HIVEP3: variants seen among roughly 807,000 people sequenced by gnomAD.
The protein encoded by HIVEP3 is transcription factor HIVEP3.
In HIVEP3, 49 loss-of-function variants were observed where a neutral mutation model predicts 152.8. The observed-to-expected ratio is 0.32, with a 90% CI of 0.26 to 0.41. HIVEP3 has a LOEUF of 0.41. HIVEP3 is among the 10% of genes least tolerant of loss of function. HIVEP3 has a pLI of 1.00. For synonymous variants in HIVEP3, 1,269 were observed against 1,289.0 expected, an observed-to-expected ratio of 0.98 and a Z score of 0.33; for missense variants, 2,790 against 3,103.3, an observed-to-expected ratio of 0.90 and a Z score of 2.40.
In HIVEP3 at chr1:41,726,014, C is replaced by G. The variant is rs190013855; in HGVS notation, c.-800-25019G>C. Among the ~76,000 whole-genome samples the G allele has an allele frequency of 2.9e-4, 44 of 152,320 alleles. No individual in the cohort carries two copies. In the South Asian group the frequency reaches 3.5e-3, roughly 12 times the overall value. ...TTTCTCAGCAGTCATTGTCTGCAAT[C>G]AGGAACCTTGGCAAGGTGAGGCATG... On this transcript the variant is annotated intron_variant, in intron 1 of 8. Transcript: ENST00000372583.
chr1:41,639,978 G>A (rs1645347589), intron 2 of HIVEP3, among the ~76,000 whole-genome samples: 1 of 152,086 alleles, frequency 6.6e-6, no homozygotes. Context: ...AATAGAGAAT[G>A]GTGATACTTT....
intron 6 of HIVEP3, 147 bp from the exon 7 acceptor site, chr1:41,518,635 G>C: frequency 1.3e-6 from 1 of 743,436 alleles, no homozygotes; most frequent in Non-Finnish European, 2.3e-6. Context: ...GCAGGAGCTG[G>C]GGTATCCCTC....
intron 1 of HIVEP3, among the ~76,000 whole-genome samples, chr1:41,892,799 C>T (rs1283656121): frequency 1.3e-5 from 2 of 151,990 alleles, no homozygotes; most frequent in Non-Finnish European, 2.9e-5. Flanking sequence ...ACGTGCCCAG[C>T]CAAAAAGAAG....
intron 1 of HIVEP3, among the ~76,000 whole-genome samples, chr1:41,804,661 G>GCAT (rs1340737720): frequency 2.6e-5 from 4 of 152,222 alleles, no homozygotes; most frequent in Admixed American, 6.5e-5. Flanking sequence ...AAAGTCATCT[G>GCAT]CATCACTGGA....
chr1:41,668,960 G>C (rs1645835090), intron 2 of HIVEP3, among the ~76,000 whole-genome samples: 2 of 152,250 alleles, frequency 1.3e-5, no homozygotes, highest in South Asian at 4.1e-4. Flanking sequence ...CCCGCAGCTG[G>C]GGTGGAATAT....
Position 41,582,843 on chromosome 1 carries a change from T to C in HIVEP3, c.1955A>G (p.Tyr652Cys). ...GGCTTCGTAGTTATCCCTTTTCTTG[T>C]ACCGAGCACCACATATGTTACATTC... ...IYECNICGAR[Y>C]KKRDNYEAHK... The change falls in exon 4 of 9, where the codon TAC (tyrosine) becomes TGC (cysteine). Residue 652 changes from tyrosine (Y) to cysteine (C), a missense_variant. Tyr to Cys is a radical substitution (Grantham distance 194, BLOSUM62 -2). This residue lies in a region of HIVEP3 where 339 missense variants were observed against 327.0 expected (regional missense o/e 1.04). Coordinates refer to ENST00000372583, the MANE Select transcript of HIVEP3 (RefSeq NM_024503.5). This position sits in a 1 kb window ranked among gnomAD's most constrained non-coding sequence, Gnocchi z 4.7. The C allele has an allele frequency of 6.2e-7, 1 of 1,614,216 alleles. No individual in the cohort carries two copies. Among genetic ancestry groups the C allele is most frequent in the Non-Finnish European group, 8.5e-7 (1 of 1,180,032 alleles).
intron 2 of HIVEP3, among the ~76,000 whole-genome samples, chr1:41,649,968 G>A (rs1645521515): frequency 6.6e-6 from 1 of 152,090 alleles, no homozygotes; most frequent in Non-Finnish European, 1.5e-5. Flanking sequence ...AGGGAGTCAG[G>A]AAAGCCCACA....
At chr1:41,702,520 A>C (rs964174777) in intron 1 of HIVEP3, among the ~76,000 whole-genome samples, 1 of 152,228 alleles carries the variant, frequency 6.6e-6, no homozygotes, top group Non-Finnish European at 1.5e-5. Flanking sequence ...TTAGTAATTC[A>C]TTGAATTGTA....
At chr1:41,665,127 TCTCACTGGAAG>T (rs1286739624) in intron 2 of HIVEP3, among the ~76,000 whole-genome samples, 6 of 152,016 alleles carry the variant, frequency 3.9e-5, no homozygotes, top group Non-Finnish European at 8.8e-5. Context: ...TGGTGCCAAT[TCTCACTGGAAG>T]CCAGAAGGTC....
At chr1:41,786,929 T>C (rs1353400578) in intron 1 of HIVEP3, among the ~76,000 whole-genome samples, 1 of 151,984 alleles carries the variant, frequency 6.6e-6, no homozygotes, top group Non-Finnish European at 1.5e-5. Context: ...TTTTTGTATT[T>C]TTAGTAGACA....
chr1:41,898,836 CAT>C (rs1644575072), intron 1 of HIVEP3, among the ~76,000 whole-genome samples: 1 of 152,230 alleles, frequency 6.6e-6, no homozygotes, highest in African/African-American at 2.4e-5. Flanking sequence ...GGAGAAATAA[CAT>C]AAAATCTAAG....
intron 5 of HIVEP3, among the ~76,000 whole-genome samples, chr1:41,539,369 T>C (rs1643474219): frequency 6.6e-6 from 1 of 152,246 alleles, no homozygotes; most frequent in Non-Finnish European, 1.5e-5. Flanking sequence ...ATGATGCTGC[T>C]CGAGACTTCT....
At chr1:41,988,999 A>G (rs1240781657) in intron 1 of HIVEP3, among the ~76,000 whole-genome samples, 1 of 152,228 alleles carries the variant, frequency 6.6e-6, no homozygotes, top group African/African-American at 2.4e-5. Context: ...TCTCACTTGT[A>G]TGTGGAATCT....
chr1:42,013,983 C>T (rs1353619112), intron 1 of HIVEP3, among the ~76,000 whole-genome samples: 1 of 152,180 alleles, frequency 6.6e-6, no homozygotes, highest in Non-Finnish European at 1.5e-5. Flanking sequence ...AAGCAGCATC[C>T]GGGAAGATGC....
At chr1:41,730,272 C>T (rs1005168887) in intron 1 of HIVEP3, among the ~76,000 whole-genome samples, 1 of 152,240 alleles carries the variant, frequency 6.6e-6, no homozygotes, top group Non-Finnish European at 1.5e-5. Context: ...TGGGCCTCTG[C>T]CCCTCACCTG....
intron 2 of HIVEP3, among the ~76,000 whole-genome samples, chr1:41,692,588 A>C (rs1334307847): frequency 2.0e-5 from 3 of 152,236 alleles, no homozygotes; most frequent in African/African-American, 7.2e-5. Context: ...TAGTTCTCCT[A>C]GGAGCAACAG....
At chr1:41,757,091 AATT>A (rs147789740) in intron 1 of HIVEP3, among the ~76,000 whole-genome samples, 2,707 of 136,474 alleles carry the variant, frequency 0.02, 43 homozygotes, top group African/African-American at 0.044. Flanking sequence ...GTCTCTAAAA[AATT>A]ATTATTATTA....
intron 3 of HIVEP3, among the ~76,000 whole-genome samples, chr1:41,627,450 A>G (rs1334445955): frequency 2.0e-5 from 3 of 152,148 alleles, no homozygotes; most frequent in Non-Finnish European, 4.4e-5. Flanking sequence ...TCCAATGCCC[A>G]GTTCTTCCTT....
rs139975671 is a variant in HIVEP3, at chr1:41,760,907, C to G, written c.-800-59912G>C. 1.3e-4 allele frequency among the ~76,000 whole-genome samples: 20 copies of G among 152,296 alleles called. No individual in the cohort carries two copies. In the East Asian group the frequency reaches 2.5e-3, roughly 19 times the overall value. On this transcript the variant is annotated intron_variant, in intron 1 of 8. Coordinates refer to ENST00000372583, the MANE Select transcript of HIVEP3 (RefSeq NM_024503.5). ...TAGGCATGGACTCTCCTCCCATGACCCTCAAACATGTCCCGTCTGTCTCCC... is the reference window on the plus strand; with the variant it reads ...TAGGCATGGACTCTCCTCCCATGACGCTCAAACATGTCCCGTCTGTCTCCC...
Sources: allele counts gnomAD v4.1 joint callset (sites outside exome capture counted in the v4.1 genomes callset), GRCh38; gene constraint gnomAD v4.1.1; regional missense constraint gnomAD v4.1.1; non-coding constraint Gnocchi (gnomAD v3.1); transcripts MANE v1.5; gene names NCBI Gene and HGNC (gene_info 2026-07-23, HGNC 2026-07-21).